Variants in KCNK17 observed in about 807,000 individuals in gnomAD.
KCNK17 encodes potassium two pore domain channel subfamily K member 17, also known as potassium channel subfamily K member 17.
A neutral mutation model predicts 24.6 loss-of-function variants in KCNK17; 27 were observed. The observed-to-expected ratio is 1.10, with a 90% confidence interval of 0.81 to 1.51. The LOEUF is 1.51. Ranked by LOEUF, KCNK17 falls within the 40% of genes most tolerant of loss-of-function variation. The pLI, the probability that KCNK17 is intolerant of heterozygous loss-of-function variation, is 0.00. For synonymous variants in KCNK17, 181 were observed against 189.8 expected (o/e 0.95, Z 0.38); for missense variants, 450 against 436.6 (o/e 1.03, Z -0.27).
chr6:39,313,500 C>A (rs1762193562), intron 1 of KCNK17, among the ~76,000 whole-genome samples: 1 of 152,210 alleles, frequency 6.6e-6, no homozygotes, highest in Admixed American at 6.5e-5. Flanking sequence ...AATCCACCCA[C>A]CCTCCGGGAC....
chr6:39,303,675 G>T (rs949468993), intron 4 of KCNK17, among the ~76,000 whole-genome samples: 3 of 152,190 alleles, frequency 2.0e-5, no homozygotes, highest in Non-Finnish European at 2.9e-5. Flanking sequence ...CCTGGGGCAA[G>T]CATGGACCCC....
chr6:39,312,369 G>A (rs1006844526), intron 1 of KCNK17, among the ~76,000 whole-genome samples: 2 of 152,170 alleles, frequency 1.3e-5, no homozygotes, highest in African/African-American at 4.8e-5. Flanking sequence ...TGTTGAGGAA[G>A]GGGGTGAGGT....
intron 2 of KCNK17, among the ~76,000 whole-genome samples, chr6:39,310,285 C>A (rs1583771327): frequency 1.3e-5 from 2 of 152,066 alleles, no homozygotes; most frequent in African/African-American, 4.8e-5. Flanking sequence ...AGCTCTTCCG[C>A]AGAGGAGGGT....
In KCNK17 at chr6:39,307,092, C is replaced by T. The variant is rs1762051400; in HGVS notation, c.353-2437G>A. 2.6e-5 allele frequency among the ~76,000 whole-genome samples: 4 copies of T among 152,146 alleles called. No individual in the cohort carries two copies. In the South Asian group the frequency reaches 8.3e-4, roughly 32 times the overall value. On this transcript the variant is annotated intron_variant, in intron 2 of 4. Coordinates refer to ENST00000373231, the MANE Select transcript of KCNK17 (RefSeq NM_031460.4). ...GCTTCCTTCCTTCCTTCCTTCTGTCCTTCCTCTCTCTCTCTTTCTTTTGGC... is the reference window on the plus strand; with the variant it reads ...GCTTCCTTCCTTCCTTCCTTCTGTCTTTCCTCTCTCTCTCTTTCTTTTGGC...
intron 4 of KCNK17, among the ~76,000 whole-genome samples, chr6:39,303,591 C>T (rs951194175): frequency 1.3e-5 from 2 of 152,184 alleles, no homozygotes; most frequent in African/African-American, 2.4e-5. Flanking sequence ...TCCCCGGGTA[C>T]TGTGATCTCC....
intron 2 of KCNK17, among the ~76,000 whole-genome samples, chr6:39,308,614 G>A (rs1390753188): frequency 6.6e-6 from 1 of 152,194 alleles, no homozygotes; most frequent in Non-Finnish European, 1.5e-5. Context: ...TTGAACAAAT[G>A]GATGGATGAA....
At chr6:39,305,281 C>T (rs1179978555) in intron 2 of KCNK17, among the ~76,000 whole-genome samples, 1 of 152,356 alleles carries the variant, frequency 6.6e-6, no homozygotes, top group South Asian at 2.1e-4. Flanking sequence ...AGGTATCAGG[C>T]CTGCTTGCAG....
At chr6:39,301,840 C>A (rs933971921) in intron 4 of KCNK17, among the ~76,000 whole-genome samples, 1 of 152,166 alleles carries the variant, frequency 6.6e-6, no homozygotes, top group African/African-American at 2.4e-5. Context: ...ATGTGAACAC[C>A]CAGTAGCCAA....
Position 39,299,369 on chromosome 6 carries a change from C to A in KCNK17, c.*58G>T. 2 of 1,380,372 alleles carry A rather than the reference C, an allele frequency of 1.4e-6. No homozygotes were observed. The highest frequency in any genetic ancestry group is 2.0e-5 in the Admixed American group (1 of 50,848). The allele number at this position is 1,380,372 out of a possible 1,614,324, so 85.5% of individuals were successfully genotyped here. On this transcript the variant is annotated 3_prime_UTR_variant, in exon 5 of 5. Coordinates refer to ENST00000373231, the MANE Select transcript of KCNK17 (RefSeq NM_031460.4). ...AGTCTTTAGTTTGGGTGGACATGTG[C>A]AAAGCTTAAAATCAGGGGTCTTGCT...
intron 4 of KCNK17, among the ~76,000 whole-genome samples, chr6:39,303,322 C>T (rs560036624): frequency 4.6e-4 from 70 of 152,264 alleles, no homozygotes; most frequent in African/African-American, 1.5e-3. Flanking sequence ...TGAGCTGGGG[C>T]GCAGCCACTC....
Position 39,303,952 on chromosome 6 carries a change from C to G in KCNK17, c.688+5G>C, listed in dbSNP as rs765230133. 3 of 1,610,868 alleles carry G rather than the reference C, an allele frequency of 1.9e-6. No homozygotes were observed. The highest frequency in any genetic ancestry group is 1.3e-5 in the African/African-American group (1 of 75,032). On this transcript the variant is annotated splice_donor_5th_base_variant and intron_variant, in intron 4 of 4. Coordinates refer to ENST00000373231, the MANE Select transcript of KCNK17 (RefSeq NM_031460.4). ...CCCGCCAGCCCAACCGCCAGGAACT[C>G]TCACCAATCACGTAGTCGCCGAAGC...
At chr6:39,312,440 G>A (rs561366133) in intron 1 of KCNK17, among the ~76,000 whole-genome samples, 1 of 152,296 alleles carries the variant, frequency 6.6e-6, no homozygotes, top group South Asian at 2.1e-4. Flanking sequence ...GGAATCTTGG[G>A]AAGCACCCAC....
intron 2 of KCNK17, among the ~76,000 whole-genome samples, chr6:39,308,687 C>T (rs1468402273): frequency 6.6e-6 from 1 of 152,244 alleles, no homozygotes; most frequent in Non-Finnish European, 1.5e-5. Context: ...GGGCTCAGGC[C>T]TGTCCTACTG....
intron 2 of KCNK17, among the ~76,000 whole-genome samples, chr6:39,306,752 A>G (rs1583768603): frequency 6.9e-6 from 1 of 145,154 alleles, no homozygotes; most frequent in Non-Finnish European, 1.5e-5. Flanking sequence ...AAGTGGCTCG[A>G]TCTTTCTTTC....
intron 4 of KCNK17, among the ~76,000 whole-genome samples, chr6:39,300,764 C>T (rs1761939774): frequency 6.6e-6 from 1 of 152,160 alleles, no homozygotes; most frequent in Non-Finnish European, 1.5e-5. Context: ...ATCATTCTTT[C>T]TGCCTCTGGG....
chr6:39,299,837 T>C, intron 4 of KCNK17, 100 bp from the exon 5 acceptor site: 3 of 1,262,952 alleles, frequency 2.4e-6, no homozygotes, highest in Non-Finnish European at 3.4e-6. Flanking sequence ...TATAAGCAAG[T>C]TGAGGTGCCA....
chr6:39,299,361 G>T lies in KCNK17; in HGVS notation c.*66C>A. On this transcript the variant is annotated 3_prime_UTR_variant, in exon 5 of 5. Transcript: ENST00000373231. ...GAAAATGTAGTCTTTAGTTTGGGTGGACATGTGCAAAGCTTAAAATCAGGG... is the reference window on the plus strand; with the variant it reads ...GAAAATGTAGTCTTTAGTTTGGGTGTACATGTGCAAAGCTTAAAATCAGGG... 8.0e-7 allele frequency: 1 copy of T among 1,248,904 alleles called. No homozygotes were observed. 77.4% of individuals were successfully genotyped at this position (1,248,904 alleles called of 1,614,324 possible). A position where few individuals can be genotyped will look rare whatever the true frequency, so the allele number is the denominator to read the frequency against.
chr6:39,309,204 G>A (rs1389958195), intron 2 of KCNK17, among the ~76,000 whole-genome samples: 2 of 152,208 alleles, frequency 1.3e-5, no homozygotes, highest in Non-Finnish European at 2.9e-5. Context: ...AGTGCCTGTA[G>A]TCCCAGCTAC....
chr6:39,312,004 G>T (rs1762148973), intron 1 of KCNK17, among the ~76,000 whole-genome samples: 1 of 152,206 alleles, frequency 6.6e-6, no homozygotes, highest in Admixed American at 6.5e-5. Context: ...TGGCAGTATA[G>T]AAAGGGTTGA....
Sources: gnomAD v4.1 joint callset for allele counts (sites outside exome capture counted in the v4.1 genomes callset) on GRCh38, gnomAD v4.1.1 for gene constraint, MANE v1.5 for transcripts, NCBI Gene and HGNC (gene_info 2026-07-23, HGNC 2026-07-21) for gene names.